Variants in SLC15A4 observed in about 807,000 individuals in gnomAD.
SLC15A4 encodes hPHT1.
Under a neutral mutation model 46.1 loss-of-function variants are expected in SLC15A4, and 26 were observed. The observed-to-expected ratio is 0.56, with a 90% CI of 0.41 to 0.78. SLC15A4 has a LOEUF of 0.78. SLC15A4 is among the 30% of genes least tolerant of loss of function. SLC15A4 has a pLI of 0.00. For missense variants in SLC15A4, 751 were observed against 755.7 expected (o/e 0.99, Z 0.07); for synonymous variants, 370 against 333.4 (o/e 1.11, Z -1.20).
chr12:128,809,377 T>G lies in SLC15A4; in HGVS notation c.1089+19A>C. 6.7e-7 allele frequency: 1 copy of G among 1,503,744 alleles called. No homozygotes were observed. The highest frequency in any genetic ancestry group is 9.2e-7 in the Non-Finnish European group (1 of 1,091,022). The allele number at this position is 1,503,744 out of a possible 1,614,324, so 93.2% of individuals were successfully genotyped here. A position where few individuals can be genotyped will look rare whatever the true frequency, so the allele number is the denominator to read the frequency against. On this transcript the variant is annotated intron_variant, in intron 4 of 7. Transcript: ENST00000266771. ...TAAGTCCAAAATAACAATGTTCAGATCATTACAATTGTTCTTACCGTGTGA... is the reference window on the plus strand; with the variant it reads ...TAAGTCCAAAATAACAATGTTCAGAGCATTACAATTGTTCTTACCGTGTGA...
intron 1 of SLC15A4, among the ~76,000 whole-genome samples, chr12:128,821,247 A>G (rs1318995395): frequency 4.6e-5 from 7 of 152,164 alleles, no homozygotes; most frequent in Non-Finnish European, 1.0e-4. Flanking sequence ...TCCATAGCTG[A>G]ACTCCATCCA....
chr12:128,800,995 T>C lies in SLC15A4; in HGVS notation c.1273A>G (p.Lys425Glu). The C allele has an allele frequency of 6.2e-7, 1 of 1,605,044 alleles. No homozygotes were observed. The highest frequency in any genetic ancestry group is 1.1e-5 in the South Asian group (1 of 89,506). The change falls in exon 6 of 8, where the codon AAA becomes GAA. Residue 425 changes from lysine (K) to glutamate (E), a missense_variant. Coordinates refer to ENST00000266771, the MANE Select transcript of SLC15A4 (RefSeq NM_145648.4). ...TTCTCTTTAACAAGGTTCAGCCTTT[T>C]ACTCTCCAAAATTCCTAGAATTCAA... The part of the protein sequence containing the change: ...SAFAAGILES[K>E]RLNLVKEKTI...
In SLC15A4 at chr12:128,823,502, C is replaced by A; in HGVS notation, c.442G>T (p.Ala148Ser). Residue 148 changes from alanine (A) to serine (S), a missense_variant, in exon 1 of 8, where the codon GCC becomes TCC. Ala to Ser is a moderately conservative substitution (Grantham distance 99, BLOSUM62 1). Coordinates refer to ENST00000266771, the MANE Select transcript of SLC15A4 (RefSeq NM_145648.4). Reference sequence around the variant, plus strand: ...GCCGGTGAGCAGCAGCGGGCGGCGGCGTCGGGACCAGGCGCCGTGCAGTTG... The same window carrying A: ...GCCGGTGAGCAGCAGCGGGCGGCGGAGTCGGGACCAGGCGCCGTGCAGTTG... ...LLNCTAPGPD[A>S]AARCCSPATF... 1.3e-6 allele frequency: 2 copies of A among 1,484,098 alleles called. No homozygotes were observed. Among genetic ancestry groups the A allele is most frequent in the Non-Finnish European group, 1.8e-6 (2 of 1,124,314 alleles). 91.9% of individuals were successfully genotyped at this position (1,484,098 alleles called of 1,614,324 possible). A position where few individuals can be genotyped will look rare whatever the true frequency, so the allele number is the denominator to read the frequency against.
intron 1 of SLC15A4, among the ~76,000 whole-genome samples, 185 bp downstream of exon 1, chr12:128,823,213 C>G (rs1955874810): frequency 6.6e-6 from 1 of 152,236 alleles, no homozygotes; most frequent in African/African-American, 2.4e-5. Context: ...CCCCTTCCAG[C>G]ACCCATCACA....
At chr12:128,805,904 G>A (rs1049121200) in intron 5 of SLC15A4, among the ~76,000 whole-genome samples, 8 of 152,010 alleles carry the variant, frequency 5.3e-5, no homozygotes, top group South Asian at 2.1e-4. Context: ...AAACCTGGCC[G>A]GGTGTGGTGG....
chr12:128,819,195 G>C (rs1015951251), intron 1 of SLC15A4, among the ~76,000 whole-genome samples: 13 of 152,088 alleles, frequency 8.5e-5, no homozygotes, highest in African/African-American at 3.1e-4. Context: ...CCTGAGGTCA[G>C]GAGTTCGAGA....
At chr12:128,794,710 C>T (rs1184460308) in intron 7 of SLC15A4, among the ~76,000 whole-genome samples, 1 of 152,200 alleles carries the variant, frequency 6.6e-6, no homozygotes, top group Non-Finnish European at 1.5e-5. Context: ...GGCCTGCAGA[C>T]ACACATGCGG....
intron 7 of SLC15A4, among the ~76,000 whole-genome samples, chr12:128,796,404 G>A (rs12830361): frequency 0.24 from 30,883 of 127,608 alleles, 3,595 homozygotes; most frequent in Middle Eastern, 0.41. Context: ...ACTCCAGCCC[G>A]GGCAACAAAC....
intron 5 of SLC15A4, among the ~76,000 whole-genome samples, chr12:128,803,390 C>T (rs913828016): frequency 9.2e-5 from 14 of 151,950 alleles, no homozygotes; most frequent in Non-Finnish European, 1.8e-4. Context: ...TGTGATGAGC[C>T]GCTTTTGTTG....
intron 7 of SLC15A4, among the ~76,000 whole-genome samples, chr12:128,797,578 T>C (rs989601769): frequency 1.3e-5 from 2 of 152,104 alleles, no homozygotes; most frequent in African/African-American, 4.8e-5. Flanking sequence ...AAAAACACAA[T>C]GTAACAAAAC....
chr12:128,820,504 C>G (rs960950884), intron 1 of SLC15A4, among the ~76,000 whole-genome samples: 20 of 152,208 alleles, frequency 1.3e-4, no homozygotes, highest in African/African-American at 4.6e-4. Flanking sequence ...TAACGGATAG[C>G]CTTACACAGG....
intron 6 of SLC15A4, 111 bp downstream of exon 6, chr12:128,800,743 C>T (rs1487693964): frequency 8.7e-7 from 1 of 1,153,636 alleles, no homozygotes; most frequent in East Asian, 2.6e-5. Context: ...CCAAAAACTA[C>T]AGAAGTGCTG....
chr12:128,815,903 AAG>A (rs1200605681), intron 1 of SLC15A4: 1 of 152,246 alleles, frequency 6.6e-6, no homozygotes, highest in Non-Finnish European at 1.5e-5. Flanking sequence ...TTAGGCCCCA[AAG>A]AGAGACATTT....
At chr12:128,806,738 C>T (rs11610066) in intron 5 of SLC15A4, among the ~76,000 whole-genome samples, 50,647 of 151,910 alleles carry the variant, frequency 0.33, 8,590 homozygotes, top group Non-Finnish European at 0.36. Context: ...TTTCCACTTC[C>T]ATGTCACCAA....
In SLC15A4 at chr12:128,809,460, T is replaced by C. The variant is rs1955627396; in HGVS notation, c.1025A>G (p.Tyr342Cys). 6.2e-7 allele frequency: 1 copy of C among 1,607,030 alleles called. No individual in the cohort carries two copies. The highest frequency in any genetic ancestry group is 8.5e-7 in the Non-Finnish European group (1 of 1,176,474). ...WTVYFQMQTT[Y>C]VLQSLHLRIP... ...CCTCAAATGAAGACTCTGTAAAACATATGTTGTCTGCATCTAGGTATAAAA... is the reference window on the plus strand; with the variant it reads ...CCTCAAATGAAGACTCTGTAAAACACATGTTGTCTGCATCTAGGTATAAAA... The change falls in exon 4 of 8, where the codon TAT (tyrosine) becomes TGT (cysteine). Residue 342 changes from tyrosine (Y) to cysteine (C), a missense_variant. Coordinates refer to ENST00000266771, the MANE Select transcript of SLC15A4 (RefSeq NM_145648.4).
At chr12:128,795,028 C>T (rs903221340) in intron 7 of SLC15A4, among the ~76,000 whole-genome samples, 3 of 152,130 alleles carry the variant, frequency 2.0e-5, no homozygotes, top group Non-Finnish European at 4.4e-5. Context: ...AAGGCAGATG[C>T]GAAGATAACA....
At position 128,798,819 on chromosome 12, in the gene SLC15A4, T is replaced by C. The variant is rs902682409; in HGVS notation, c.1573+440A>G. 3.3e-5 allele frequency among the ~76,000 whole-genome samples: 5 copies of C among 152,198 alleles called. No individual in the cohort carries two copies. The East Asian group carries it at 9.6e-4, about 29-fold the overall frequency. On this transcript the variant is annotated intron_variant, in intron 7 of 7. Transcript: ENST00000266771. ...TTTTAAAAGTAACTTACTATCTATC[T>C]TGTCTTTTTCGTATCAGAAAAGGTG...
chr12:128,803,443 T>TCCCCCC lies in SLC15A4; in HGVS notation c.1259-2435_1259-2434insGGGGGG, dbSNP rs1566047883. Among the ~76,000 whole-genome samples the TCCCCCC allele has an allele frequency of 8.5e-3, 1,299 of 152,294 alleles. 20 individuals carry two copies. Among genetic ancestry groups the TCCCCCC allele is most frequent in the African/African-American group, 0.028 (1,159 of 41,532 alleles). ...ACCTCATTTATTATTCACAGTAAGC[T>TCCCCCC]GGGGGGAGAAATAACCCAAGCTCAT... On this transcript the variant is annotated intron_variant, in intron 5 of 7. Transcript: ENST00000266771.
intron 7 of SLC15A4, among the ~76,000 whole-genome samples, chr12:128,795,453 C>A (rs1233996364): frequency 6.6e-6 from 1 of 152,206 alleles, no homozygotes; most frequent in Non-Finnish European, 1.5e-5. Flanking sequence ...GCAGCTCAAG[C>A]TATAAGGCTT....
Sources: gnomAD v4.1 joint callset for allele counts (sites outside exome capture counted in the v4.1 genomes callset) on GRCh38, gnomAD v4.1.1 for gene constraint, MANE v1.5 for transcripts, NCBI Gene and HGNC (gene_info 2026-07-23, HGNC 2026-07-21) for gene names.